The following TRNT1 variants were observed in gnomAD, a reference collection of about 807,000 sequenced individuals.
TRNT1 encodes CCA tRNA nucleotidyltransferase 1, mitochondrial.
TRNT1 carries 44 observed loss-of-function variants against 45.6 expected under a neutral mutation model. The ratio of observed to expected loss-of-function variants is 0.97; its 90% CI spans 0.76 to 1.24. TRNT1 has a LOEUF of 1.24. Ranked by LOEUF, TRNT1 falls within the 50% of genes most tolerant of loss-of-function variation. The probability of loss-of-function intolerance (pLI) is 0.00; values close to 1 mark genes in which losing one functional copy is unlikely to be tolerated. For synonymous variants in TRNT1, 201 were observed against 171.4 expected (o/e 1.17, Z -1.35); for missense variants, 633 against 504.4 (o/e 1.25, Z -2.44).
intron 2 of TRNT1, among the ~76,000 whole-genome samples, chr3:3,133,795 A>G (rs1559217413): frequency 6.6e-6 from 1 of 152,018 alleles, no homozygotes; most frequent in African/African-American, 2.4e-5. Context: ...AGCTCTTAGA[A>G]CAGATGGTCT....
In TRNT1 at chr3:3,147,519, A is replaced by G; in HGVS notation, c.872A>G (p.Lys291Arg). 6.2e-7 allele frequency: 1 copy of G among 1,613,960 alleles called. No individual in the cohort carries two copies. The highest frequency in any genetic ancestry group is 8.5e-7 in the Non-Finnish European group (1 of 1,179,846). Residue 291 changes from lysine (K) to arginine (R), a missense_variant, in exon 7 of 8, where the codon AAG becomes AGG. By Grantham distance (26) the Lys-to-Arg change is conservative. Transcript: ENST00000251607. ...AAAAATGTTGATGGTTTTTCACCAA[A>G]GCCAGTGACTCTTTTGGCCTCATTA... ...VSKNVDGFSP[K>R]PVTLLASLFK...
chr3:3,146,377 G>A, intron 5 of TRNT1, 53 bp from the exon 6 acceptor site: 2 of 1,391,742 alleles, frequency 1.4e-6, no homozygotes, highest in Admixed American at 4.4e-5. Flanking sequence ...AACAGATTTT[G>A]CTTGTGATAT....
chr3:3,137,691 CA>C (rs1705412798), intron 3 of TRNT1, among the ~76,000 whole-genome samples: 3 of 150,186 alleles, frequency 2.0e-5, no homozygotes, highest in Admixed American at 2.0e-4. Flanking sequence ...TTTACTATCC[CA>C]GTTTTAAGAT....
At chr3:3,140,479 G>C in intron 3 of TRNT1, 31 bp from the exon 4 acceptor site, 1 of 1,599,020 alleles carries the variant, frequency 6.3e-7, no homozygotes, top group Non-Finnish European at 8.5e-7. Context: ...TAATTTAAAT[G>C]ACAACAAAAA....
chr3:3,147,657 C>CAGAT lies in TRNT1; in HGVS notation c.1013_1016dup (p.Ser339ArgfsTer2), dbSNP rs1559231280. ...AATAGGAAAGATTTAATTAAAGCAA[C>CAGAT]AGATAGTTCAGACCCATTGAAACCC... is the stretch of plus-strand genomic sequence containing the variant. On this transcript the variant is annotated frameshift_variant, in exon 7 of 8. Transcript: ENST00000251607. LOFTEE classifies it high-confidence loss of function. 6.2e-7 allele frequency: 1 copy of CAGAT among 1,613,622 alleles called. No individual in the cohort carries two copies. The highest frequency in any genetic ancestry group is 1.7e-5 in the Admixed American group (1 of 60,016).
intron 2 of TRNT1, chr3:3,131,273 G>A (rs1274672487): frequency 2.0e-5 from 3 of 151,976 alleles, no homozygotes; most frequent in African/African-American, 4.8e-5. Flanking sequence ...TTTTCTTTCT[G>A]TGTATGCCCT....
intron 4 of TRNT1, among the ~76,000 whole-genome samples, chr3:3,142,968 T>TCA (rs200185677): frequency 2.6e-5 from 4 of 151,430 alleles, no homozygotes; most frequent in African/African-American, 9.7e-5. Flanking sequence ...ATTAACAGCT[T>TCA]GGAAAGAGTT....
At chr3:3,152,166 A>AAAT (rs1553559027), downstream of TRNT1, among the ~76,000 whole-genome samples, 13 of 62,872 alleles carry the variant, frequency 2.1e-4, no homozygotes, top group African/African-American at 3.5e-4. Flanking sequence ...TTTTTTTTTT[A>AAAT]AATAGACAGA....
At chr3:3,143,906 A>G (rs76563918) in intron 4 of TRNT1, among the ~76,000 whole-genome samples, 2,931 of 152,306 alleles carry the variant, frequency 0.019, 86 homozygotes, top group African/African-American at 0.066. Flanking sequence ...CTTCATTATT[A>G]AAGAGATTTC....
chr3:3,129,574 C>G, intron 2 of TRNT1: 2 of 444,608 alleles, frequency 4.5e-6, no homozygotes, highest in South Asian at 4.3e-5. Flanking sequence ...AGAGTGAGAC[C>G]CTGTCTCAAA....
intron 2 of TRNT1, 66 bp from the exon 3 acceptor site, chr3:3,137,191 TTTG>T: frequency 7.7e-7 from 1 of 1,292,960 alleles, no homozygotes. Context: ...GCCTTGTACT[TTTG>T]TGGTTAAAAT....
chr3:3,152,646 T>G (rs1450529643), downstream of TRNT1: 1 of 1,600,504 alleles, frequency 6.2e-7, no homozygotes, highest in Non-Finnish European at 8.6e-7. Context: ...TTTTATTAAA[T>G]GCTTAGAATT....
At position 3,144,688 on chromosome 3, in the gene TRNT1, C is replaced by T. The variant is rs1427725570; in HGVS notation, c.586C>T (p.Leu196Phe). The T allele has an allele frequency of 1.9e-6, 3 of 1,543,344 alleles. No homozygotes were observed. Among genetic ancestry groups the T allele is most frequent in the South Asian group, 2.4e-5 (2 of 83,552 alleles). The change falls in exon 5 of 8, where the codon CTT becomes TTT. Residue 196 changes from leucine to phenylalanine, a missense_variant. Leu to Phe is a conservative substitution (Grantham distance 22, BLOSUM62 0). Coordinates refer to ENST00000251607, the MANE Select transcript of TRNT1 (RefSeq NM_182916.3). ...HAKQRIQEDYLRILRYFRFYG... is the reference protein window; with the variant it reads ...HAKQRIQEDYFRILRYFRFYG... ...TAAACAGAGAATACAAGAGGATTAT[C>T]TTAGAATTTTAAGATACTTCAGGTA...
At chr3:3,138,746 A>T (rs558558285) in intron 3 of TRNT1, among the ~76,000 whole-genome samples, 1 of 152,266 alleles carries the variant, frequency 6.6e-6, no homozygotes, top group South Asian at 2.1e-4. Flanking sequence ...CTTTCTTAGT[A>T]TATTTCTTTG....
Position 3,148,177 on chromosome 3 carries a change from G to C in TRNT1, c.*23G>C, listed in dbSNP as rs751043046. Reference sequence around the variant, plus strand: ...TAAAACTGATGGCTACTAAAAAGCAGAGCATTTCTGGTAAGACTAAATTTT... The same window carrying C: ...TAAAACTGATGGCTACTAAAAAGCACAGCATTTCTGGTAAGACTAAATTTT... On this transcript the variant is annotated 3_prime_UTR_variant, in exon 8 of 8. Coordinates refer to ENST00000251607, the MANE Select transcript of TRNT1 (RefSeq NM_182916.3). 1 of 1,606,634 alleles carries C rather than the reference G, an allele frequency of 6.2e-7. No homozygotes were observed. The highest frequency in any genetic ancestry group is 1.7e-5 in the Admixed American group (1 of 59,028).
chr3:3,151,490 A>AAAT (rs1426831297), downstream of TRNT1, among the ~76,000 whole-genome samples: 5 of 87,720 alleles, frequency 5.7e-5, no homozygotes, highest in African/African-American at 1.7e-4. Context: ...ACGTCTCAAA[A>AAAT]AGTAAATATT....
At chr3:3,135,670 G>T (rs1705286012) in intron 2 of TRNT1, among the ~76,000 whole-genome samples, 1 of 152,206 alleles carries the variant, frequency 6.6e-6, no homozygotes, top group Non-Finnish European at 1.5e-5. Flanking sequence ...TGGAAGAGGA[G>T]TGTGGGCAGG....
downstream of TRNT1, chr3:3,150,604 C>T (rs1575075105): frequency 7.9e-6 from 3 of 379,216 alleles, no homozygotes; most frequent in Non-Finnish European, 1.5e-5. Flanking sequence ...CCAGACATAT[C>T]AGATTCCACA....
intron 2 of TRNT1, among the ~76,000 whole-genome samples, chr3:3,133,183 A>G (rs756035146): frequency 1.3e-5 from 2 of 152,194 alleles, no homozygotes; most frequent in Admixed American, 1.3e-4. Context: ...TTGTCATATC[A>G]TAAGGGTTTT....
Sources: gnomAD v4.1 joint callset for allele counts (sites outside exome capture counted in the v4.1 genomes callset) on GRCh38, gnomAD v4.1.1 for gene constraint, MANE v1.5 for transcripts, NCBI Gene and HGNC (gene_info 2026-07-23, HGNC 2026-07-21) for gene names.